The following ANKRD16 variants were observed in gnomAD, a reference collection of about 807,000 sequenced individuals.
The protein encoded by ANKRD16 is ankyrin repeat domain 16.
In ANKRD16, 35 loss-of-function variants were observed where a neutral mutation model predicts 37.9. The observed-to-expected ratio is 0.92, with a 90% CI of 0.71 to 1.23. The LOEUF (loss-of-function observed/expected upper bound fraction) is 1.23. ANKRD16 is among the 50% of genes most tolerant of loss of function. The pLI, the probability that ANKRD16 is intolerant of heterozygous loss-of-function variation, is 0.00. For missense variants in ANKRD16, 480 were observed against 469.9 expected, an observed-to-expected ratio of 1.02 and a Z score of -0.20; for synonymous variants, 206 against 197.2, an observed-to-expected ratio of 1.04 and a Z score of -0.37.
At chr10:5,877,315 G>A (rs1464498650) in intron 7 of ANKRD16, among the ~76,000 whole-genome samples, 1 of 152,200 alleles carries the variant, frequency 6.6e-6, no homozygotes, top group Admixed American at 6.5e-5. Context: ...GTTTTATCAT[G>A]TTGGCCAGGC....
chr10:5,873,082 T>C (rs1247508866), intron 7 of ANKRD16, among the ~76,000 whole-genome samples: 7 of 146,572 alleles, frequency 4.8e-5, no homozygotes, highest in African/African-American at 1.0e-4. Flanking sequence ...CAGGCTGGAG[T>C]GCAGTGACAT....
At chr10:5,873,914 G>A (rs112387563) in intron 7 of ANKRD16, among the ~76,000 whole-genome samples, 1 of 147,256 alleles carries the variant, frequency 6.8e-6, no homozygotes, top group South Asian at 2.1e-4. Context: ...TTTTTTTTGA[G>A]ACGGCGTCTC....
intron 7 of ANKRD16, among the ~76,000 whole-genome samples, chr10:5,872,324 C>G (rs1842103366): frequency 1.3e-5 from 2 of 151,662 alleles, no homozygotes; most frequent in Admixed American, 1.3e-4. Context: ...ACTAAAAATA[C>G]AAAAATTAGC....
At position 5,874,666 on chromosome 10, in the gene ANKRD16, G is replaced by A. The variant is rs2131763135; in HGVS notation, c.*33+3431C>T. Among the ~76,000 whole-genome samples the A allele has an allele frequency of 6.6e-6, 1 of 152,316 alleles. No individual in the cohort carries two copies. Among genetic ancestry groups the A allele is most frequent in the East Asian group, 1.9e-4 (1 of 5,174 alleles). On this transcript the variant is annotated intron_variant, in intron 7 of 7. Coordinates refer to ENST00000380094, the MANE Select transcript of ANKRD16 (RefSeq NM_019046.3). This position sits in a 1 kb window ranked among gnomAD's most constrained non-coding sequence, Gnocchi z 4.7. ...GGCCTGTATGTCAGTGGGTTGTGGG[G>A]AAGGCTGGGTTTTGAATAAACTGAA...
rs1234089938 is a variant in ANKRD16, at chr10:5,863,488, T to C, written c.*34-797A>G. On this transcript the variant is annotated intron_variant, in intron 7 of 7. Coordinates refer to ENST00000380094, the MANE Select transcript of ANKRD16 (RefSeq NM_019046.3). The surrounding 1 kb of genome is among the most constrained non-coding windows in gnomAD (Gnocchi z 4.7). ...GTGTCTAGCTAAAGGATTGTAAACA[T>C]ACCAATCAGCACGCTGTAAAGTGGA... is the stretch of plus-strand genomic sequence containing the variant. Among the ~76,000 whole-genome samples the C allele has an allele frequency of 2.0e-5, 3 of 151,954 alleles. No homozygotes were observed. The highest frequency in any genetic ancestry group is 4.4e-5 in the Non-Finnish European group (3 of 68,022).
intron 7 of ANKRD16, among the ~76,000 whole-genome samples, chr10:5,872,661 A>AT (rs1233737579): frequency 1.3e-5 from 2 of 150,984 alleles, no homozygotes; most frequent in Admixed American, 1.3e-4. Flanking sequence ...GATTCACGCC[A>AT]TACTCCTGCC....
rs2131755178 is a variant in ANKRD16, at chr10:5,868,927, A to G, written c.*34-6236T>C. Among the ~76,000 whole-genome samples, 1 of 152,320 alleles carries G rather than the reference A, an allele frequency of 6.6e-6. No individual in the cohort carries two copies. The highest frequency in any genetic ancestry group is 2.1e-4 in the South Asian group (1 of 4,828). On this transcript the variant is annotated intron_variant, in intron 7 of 7. Transcript: ENST00000380094. This position sits in a 1 kb window ranked among gnomAD's most constrained non-coding sequence, Gnocchi z 4.9. ...ACCAAGAACCCACCAGAAGGAATAAATTCTGGACACAATACCACAAAAAGA... is the reference window on the plus strand; with the variant it reads ...ACCAAGAACCCACCAGAAGGAATAAGTTCTGGACACAATACCACAAAAAGA...
chr10:5,881,439 T>TATAAATATATAA (rs1491499689), intron 5 of ANKRD16, among the ~76,000 whole-genome samples: 1 of 6,952 alleles, frequency 1.4e-4, no homozygotes, highest in East Asian at 1.8e-3. Context: ...AAATATTATT[T>TATAAATATATAA]ATATATATAT....
rs375017412 is a variant in ANKRD16, at chr10:5,882,595, T to TA, written c.849+410_849+411insT. 7.5e-3 allele frequency: 1,161 copies of TA among 154,634 alleles called. 8 individuals are homozygous for TA. The highest frequency in any genetic ancestry group is 0.026 in the African/African-American group (1,080 of 41,620). 9.6% of individuals were successfully genotyped at this position (154,634 alleles called of 1,614,324 possible). ...AACAGCTACTTTTCCAGTGAAAATG[T>TA]TTGCTTATCTTCAATATACCCCAGA... On this transcript the variant is annotated intron_variant, in intron 5 of 7. Coordinates refer to ENST00000380094, the MANE Select transcript of ANKRD16 (RefSeq NM_019046.3).
intron 5 of ANKRD16, chr10:5,881,048 C>G (rs766664181): frequency 1.3e-5 from 5 of 386,370 alleles, no homozygotes; most frequent in Non-Finnish European, 1.8e-5. Flanking sequence ...ATCCTCCTGT[C>G]TCAGCCTCCC....
rs902060832 is a variant in ANKRD16 at position 5,864,896 on chromosome 10, T to C, written c.*34-2205A>G. Among the ~76,000 whole-genome samples the C allele has an allele frequency of 2.6e-5, 4 of 152,166 alleles. No homozygotes were observed. The highest frequency in any genetic ancestry group is 9.7e-5 in the African/African-American group (4 of 41,434). On this transcript the variant is annotated intron_variant, in intron 7 of 7. Transcript: ENST00000380094. The surrounding 1 kb of genome is among the most constrained non-coding windows in gnomAD (Gnocchi z 4.4). ...GGCTACGGGAGGCCTTAAGAAAATA[T>C]ACTCCCCTGTCGCCCGACTCACTCG... is the stretch of plus-strand genomic sequence containing the variant.
In ANKRD16 at chr10:5,878,021, T is replaced by G; in HGVS notation, c.*33+76A>C. On this transcript the variant is annotated intron_variant, in intron 7 of 7. Coordinates refer to ENST00000380094, the MANE Select transcript of ANKRD16 (RefSeq NM_019046.3). The surrounding 1 kb of genome is among the most constrained non-coding windows in gnomAD (Gnocchi z 5.1). ...ATGCAGGATGAGGGAAGGGAGGAAG[T>G]GGAGGAGATGGAAAACTGGCTTCCA... 7.0e-7 allele frequency: 1 copy of G among 1,436,046 alleles called. No homozygotes were observed. Among genetic ancestry groups the G allele is most frequent in the Non-Finnish European group, 9.5e-7 (1 of 1,055,516 alleles). The allele number at this position is 1,436,046 out of a possible 1,614,324, so 89.0% of individuals were successfully genotyped here. A position where few individuals can be genotyped will look rare whatever the true frequency, so the allele number is the denominator to read the frequency against.
At position 5,865,708 on chromosome 10, in the gene ANKRD16, TA is replaced by T. The variant is rs1842003326; in HGVS notation, c.*34-3018del. Among the ~76,000 whole-genome samples the T allele has an allele frequency of 6.6e-6, 1 of 152,140 alleles. No individual in the cohort carries two copies. Among genetic ancestry groups the T allele is most frequent in the Non-Finnish European group, 1.5e-5 (1 of 68,004 alleles). On this transcript the variant is annotated intron_variant, in intron 7 of 7. Transcript: ENST00000380094. This position sits in a 1 kb window ranked among gnomAD's most constrained non-coding sequence, Gnocchi z 4.7. ...ATGCCTGAAAGTTCCACACCCTTAT[TA>T]GGGAGGGACATATTAGCCAAAGCTG...
intron 5 of ANKRD16, among the ~76,000 whole-genome samples, chr10:5,881,288 A>T (rs907977317): frequency 6.6e-6 from 1 of 150,778 alleles, no homozygotes; most frequent in East Asian, 1.9e-4. Context: ...AGAACCCAAA[A>T]CTCTAAAATT....
intron 3 of ANKRD16, among the ~76,000 whole-genome samples, 157 bp from the exon 4 acceptor site, chr10:5,884,234 G>C (rs1436456995): frequency 6.6e-6 from 1 of 152,224 alleles, no homozygotes; most frequent in Non-Finnish European, 1.5e-5. Context: ...TCCGAACTGA[G>C]CACTAAGCCT....
chr10:5,872,214 C>G (rs2131759064), intron 7 of ANKRD16, among the ~76,000 whole-genome samples: 1 of 152,276 alleles, frequency 6.6e-6, no homozygotes, highest in East Asian at 1.9e-4. Context: ...TGTGGTGGCT[C>G]ACACCTGTAA....
rs1841997896 is a variant in ANKRD16 at position 5,865,329 on chromosome 10, G to A, written c.*34-2638C>T. On this transcript the variant is annotated intron_variant, in intron 7 of 7. Transcript: ENST00000380094. The surrounding 1 kb of genome is among the most constrained non-coding windows in gnomAD (Gnocchi z 4.7). ...CTGCCCCAGAGGACAAAGGTTCTCTGGGCCAGAAGCCCCCAACCAGATGAT... is the reference window on the plus strand; with the variant it reads ...CTGCCCCAGAGGACAAAGGTTCTCTAGGCCAGAAGCCCCCAACCAGATGAT... 6.6e-6 allele frequency among the ~76,000 whole-genome samples: 1 copy of A among 152,198 alleles called. No individual in the cohort carries two copies. Among genetic ancestry groups the A allele is most frequent in the African/African-American group, 2.4e-5 (1 of 41,450 alleles).
Position 5,878,100 on chromosome 10 carries a change from G to T in ANKRD16, c.*30C>A. On this transcript the variant is annotated 3_prime_UTR_variant, in exon 7 of 8. Transcript: ENST00000380094. The surrounding 1 kb of genome is among the most constrained non-coding windows in gnomAD (Gnocchi z 5.1). ...TAAGAAGCAGGATATGAATTACCAT[G>T]CACTTTATTGCCTCCTCTTGGAAAC... The T allele has an allele frequency of 1.2e-6, 2 of 1,602,974 alleles. No homozygotes were observed. The highest frequency in any genetic ancestry group is 1.7e-5 in the Admixed American group (1 of 58,340).
intron 5 of ANKRD16, among the ~76,000 whole-genome samples, chr10:5,880,698 A>G (rs1285669147): frequency 6.6e-6 from 1 of 152,188 alleles, no homozygotes; most frequent in Non-Finnish European, 1.5e-5. Context: ...GGCACTTTAC[A>G]TAAGATAAGG....
Sources: allele counts gnomAD v4.1 joint callset (sites outside exome capture counted in the v4.1 genomes callset), GRCh38; gene constraint gnomAD v4.1.1; non-coding constraint Gnocchi (gnomAD v3.1); transcripts MANE v1.5; gene names NCBI Gene and HGNC (gene_info 2026-07-23, HGNC 2026-07-21).